The following SLC4A4 variants were observed in gnomAD, a reference collection of about 807,000 sequenced individuals.
SLC4A4 encodes the protein electrogenic sodium bicarbonate cotransporter 1.
A neutral mutation model predicts 111.5 loss-of-function variants in SLC4A4; 27 were observed. The observed-to-expected ratio is 0.24, with a 90% CI of 0.18 to 0.33. The LOEUF (loss-of-function observed/expected upper bound fraction) is 0.33. SLC4A4 is among the 10% of genes least tolerant of loss of function. SLC4A4 has a pLI of 1.00. For synonymous variants in SLC4A4, 443 were observed against 463.4 expected, an observed-to-expected ratio of 0.96 and a Z score of 0.57; for missense variants, 909 against 1,315.5, an observed-to-expected ratio of 0.69 and a Z score of 4.78.
chr4:71,284,616 T>C (rs1228801487), intron 3 of SLC4A4, among the ~76,000 whole-genome samples: 1 of 152,238 alleles, frequency 6.6e-6, no homozygotes, highest in Non-Finnish European at 1.5e-5. Context: ...CTTCAAGTCA[T>C]TGCTAATAAT....
At chr4:71,480,728 A>G (rs1017685154) in intron 14 of SLC4A4, among the ~76,000 whole-genome samples, 2 of 151,766 alleles carry the variant, frequency 1.3e-5, no homozygotes, top group Non-Finnish European at 2.9e-5. Context: ...TATCATGGAA[A>G]ATAGTCTTAA....
chr4:71,166,246 T>C (rs907757665), intron 2 of SLC4A4, among the ~76,000 whole-genome samples: 10 of 152,340 alleles, frequency 6.6e-5, no homozygotes, highest in South Asian at 4.1e-4. Flanking sequence ...TATTTTTGAT[T>C]GTTGTAGAGG....
chr4:71,435,588 A>G (rs1724057750), intron 7 of SLC4A4, among the ~76,000 whole-genome samples: 2 of 152,276 alleles, frequency 1.3e-5, no homozygotes, highest in Non-Finnish European at 2.9e-5. Flanking sequence ...GAGCTTCTGC[A>G]CAGCAAAATA....
chr4:71,424,295 C>T (rs1435011279), intron 7 of SLC4A4, among the ~76,000 whole-genome samples: 1 of 152,062 alleles, frequency 6.6e-6, no homozygotes, highest in Non-Finnish European at 1.5e-5. Flanking sequence ...AATGAGATAT[C>T]ATCTCACACC....
chr4:71,368,982 C>G (rs958627151), intron 6 of SLC4A4, among the ~76,000 whole-genome samples: 9 of 152,190 alleles, frequency 5.9e-5, no homozygotes, highest in Non-Finnish European at 1.2e-4. Context: ...CCATCCTCAT[C>G]CTTGCTGTGG....
At chr4:71,225,987 CATT>C (rs1719024893) in intron 1 of SLC4A4, among the ~76,000 whole-genome samples, 1 of 152,208 alleles carries the variant, frequency 6.6e-6, no homozygotes, top group African/African-American at 2.4e-5. Context: ...CTTATATTGA[CATT>C]TTGAATCCTA....
intron 2 of SLC4A4, among the ~76,000 whole-genome samples, chr4:71,152,094 T>C (rs779761176): frequency 2.0e-5 from 3 of 152,102 alleles, no homozygotes; most frequent in Non-Finnish European, 2.9e-5. Flanking sequence ...TGTGTATCTA[T>C]AAATAATTTA....
At chr4:71,244,315 C>G (rs1337331244) in intron 2 of SLC4A4, among the ~76,000 whole-genome samples, 1 of 152,190 alleles carries the variant, frequency 6.6e-6, no homozygotes, top group African/African-American at 2.4e-5. Context: ...TAATACAAGG[C>G]AAATCATTGT....
rs540143525 is a variant in SLC4A4, at chr4:71,269,736, T to C, written c.253+14337T>C. On this transcript the variant is annotated intron_variant, in intron 3 of 25. Transcript: ENST00000264485. ...TGTGAGAAATATAATGCCAGTGTTA[T>C]TTTTCCCATATTTTACAAATGAAGA... is the stretch of plus-strand genomic sequence containing the variant. Among the ~76,000 whole-genome samples, 3 of 152,238 alleles carry C rather than the reference T, an allele frequency of 2.0e-5. No homozygotes were observed. The South Asian group carries it at 6.2e-4, about 31-fold the overall frequency.
intron 3 of SLC4A4, among the ~76,000 whole-genome samples, chr4:71,292,519 A>G (rs2149103907): frequency 6.6e-6 from 1 of 152,338 alleles, no homozygotes; most frequent in South Asian, 2.1e-4. Flanking sequence ...TCTCTGATAT[A>G]AAATACAGAG....
At chr4:71,507,194 C>A (rs976976426) in intron 16 of SLC4A4, among the ~76,000 whole-genome samples, 1 of 152,146 alleles carries the variant, frequency 6.6e-6, no homozygotes, top group South Asian at 2.1e-4. Flanking sequence ...AACAAGTCTG[C>A]AAAATAACCA....
rs1730342588 is a variant in SLC4A4 at position 71,356,996 on chromosome 4, T to C, written c.551-12T>C. The C allele has an allele frequency of 2.5e-6, 4 of 1,613,392 alleles. No individual in the cohort carries two copies. The highest frequency in any genetic ancestry group is 8.5e-7 in the Non-Finnish European group (1 of 1,179,648). On this transcript the variant is annotated splice_polypyrimidine_tract_variant and intron_variant, in intron 5 of 25. Coordinates refer to ENST00000264485, the MANE Select transcript of SLC4A4 (RefSeq NM_001098484.3). ...GACTGAGTTTTGTTTTTTGCTTTTG[T>C]TTTTGTACCAGAGATGATTGTTGAC...
intron 20 of SLC4A4, among the ~76,000 whole-genome samples, chr4:71,552,040 A>C (rs1381346464): frequency 2.6e-5 from 4 of 151,846 alleles, no homozygotes; most frequent in African/African-American, 7.2e-5. Flanking sequence ...CTGACCACTG[A>C]GGACCAAGGA....
intron 1 of SLC4A4, among the ~76,000 whole-genome samples, chr4:71,089,372 T>C (rs577944108): frequency 8.6e-5 from 13 of 152,008 alleles, no homozygotes; most frequent in Non-Finnish European, 1.8e-4. Flanking sequence ...GTAGTTTGAT[T>C]GTCTGAAGCC....
chr4:71,486,410 G>A (rs554281962), intron 14 of SLC4A4, among the ~76,000 whole-genome samples: 1 of 151,464 alleles, frequency 6.6e-6, no homozygotes, highest in African/African-American at 2.4e-5. Flanking sequence ...TTTAAAATTA[G>A]ATTAAATGTT....
intron 8 of SLC4A4, among the ~76,000 whole-genome samples, chr4:71,442,180 C>G (rs1177266431): frequency 6.6e-6 from 1 of 152,080 alleles, no homozygotes; most frequent in East Asian, 1.9e-4. Flanking sequence ...CTTTAAAAGA[C>G]TTTTATTTAA....
intron 12 of SLC4A4, among the ~76,000 whole-genome samples, chr4:71,460,466 C>G (rs538221153): frequency 6.6e-6 from 1 of 152,246 alleles, no homozygotes; most frequent in East Asian, 1.9e-4. Context: ...TCAAACTTTT[C>G]TTCAAGCAGG....
intron 12 of SLC4A4, 122 bp from the exon 13 acceptor site, chr4:71,466,321 TC>T (rs1727307498): frequency 9.4e-7 from 1 of 1,068,186 alleles, no homozygotes; most frequent in African/African-American, 1.6e-5. Flanking sequence ...TGTTCTTCAT[TC>T]TTGATATGTT....
At chr4:71,373,872 G>A (rs2148937248) in intron 6 of SLC4A4, among the ~76,000 whole-genome samples, 1 of 152,260 alleles carries the variant, frequency 6.6e-6, no homozygotes, top group South Asian at 2.1e-4. Context: ...TGTTAGGGGA[G>A]GAAGAGAAAG....
Sources: allele counts gnomAD v4.1 joint callset (sites outside exome capture counted in the v4.1 genomes callset), GRCh38; gene constraint gnomAD v4.1.1; transcripts MANE v1.5; gene names NCBI Gene and HGNC (gene_info 2026-07-23, HGNC 2026-07-21).